The following GPR158 variants were observed in gnomAD, a reference collection of about 807,000 sequenced individuals.
The protein encoded by GPR158 is G protein-coupled receptor 158, also known as metabotropic glycine receptor.
Under a neutral mutation model 78.2 loss-of-function variants are expected in GPR158, and 30 were observed. The observed-to-expected ratio is 0.38, with a 90% CI of 0.29 to 0.52. The LOEUF is 0.52. Among genes scored for constraint, GPR158 ranks in the 20% least tolerant of loss-of-function variants. The pLI, the probability that GPR158 is intolerant of heterozygous loss-of-function variation, is 0.83. For synonymous variants in GPR158, 581 were observed against 591.1 expected (o/e 0.98, Z 0.25); for missense variants, 1,463 against 1,523.5 (o/e 0.96, Z 0.66).
At chr10:25,467,901 A>G (rs943313719) in intron 5 of GPR158, among the ~76,000 whole-genome samples, 6 of 152,068 alleles carry the variant, frequency 3.9e-5, no homozygotes, top group African/African-American at 1.4e-4. Context: ...TTCTGCCTCA[A>G]GTCCCCACCC....
chr10:25,455,628 G>A lies in GPR158; in HGVS notation c.1336-11023G>A, dbSNP rs187319566. On this transcript the variant is annotated intron_variant, in intron 4 of 10. Transcript: ENST00000376351. The stretch of plus-strand genomic sequence containing the variant: ...AATGTGACCTTTATGAATTCTGTAC[G>A]GGTTAGTATTTATTATCTAGTTAAG... Among the ~76,000 whole-genome samples the A allele has an allele frequency of 1.1e-4, 17 of 152,116 alleles. No individual in the cohort carries two copies. The South Asian group carries it at 1.7e-3, about 15-fold the overall frequency.
intron 5 of GPR158, among the ~76,000 whole-genome samples, chr10:25,474,117 G>A (rs1835548614): frequency 6.6e-6 from 1 of 152,074 alleles, no homozygotes; most frequent in African/African-American, 2.4e-5. Context: ...GAAGATAAAT[G>A]AGGGAGGTTG....
intron 2 of GPR158, among the ~76,000 whole-genome samples, chr10:25,241,336 C>CTTCTCTTCTG (rs1853620425): frequency 3.2e-5 from 4 of 125,424 alleles, no homozygotes; most frequent in African/African-American, 1.3e-4. Context: ...CTTCTCTTCT[C>CTTCTCTTCTG]TTTTCTCTTT....
At chr10:25,544,098 A>G (rs1836626944) in intron 5 of GPR158, among the ~76,000 whole-genome samples, 1 of 152,156 alleles carries the variant, frequency 6.6e-6, no homozygotes, top group Non-Finnish European at 1.5e-5. Context: ...TTAACCTAGG[A>G]TGTCTCATTT....
At chr10:25,531,892 G>C (rs1242206961) in intron 5 of GPR158, among the ~76,000 whole-genome samples, 1 of 152,172 alleles carries the variant, frequency 6.6e-6, no homozygotes, top group African/African-American at 2.4e-5. Flanking sequence ...GGAAGTGGCA[G>C]AGCAGTCCCT....
intron 8 of GPR158, among the ~76,000 whole-genome samples, chr10:25,589,413 T>G (rs953550077): frequency 1.2e-4 from 18 of 152,234 alleles, no homozygotes; most frequent in Non-Finnish European, 1.5e-5. Flanking sequence ...CTTATGGAAA[T>G]GTAATGGAAT....
At chr10:25,367,028 A>G (rs759440608) in intron 2 of GPR158, among the ~76,000 whole-genome samples, 1 of 151,632 alleles carries the variant, frequency 6.6e-6, no homozygotes, top group Non-Finnish European at 1.5e-5. Flanking sequence ...TTGTCTATTG[A>G]TCAAAAGTTT....
intron 2 of GPR158, among the ~76,000 whole-genome samples, chr10:25,271,185 A>G (rs948812127): frequency 6.8e-4 from 104 of 152,116 alleles, no homozygotes; most frequent in African/African-American, 2.4e-3. Flanking sequence ...CTCAAATAGC[A>G]TTTTCTTAGA....
intron 2 of GPR158, among the ~76,000 whole-genome samples, chr10:25,300,964 A>C (rs1021174364): frequency 1.3e-5 from 2 of 152,086 alleles, no homozygotes; most frequent in African/African-American, 2.4e-5. Flanking sequence ...TCATTGATTG[A>C]TGTTTTTTCA....
chr10:25,447,494 T>C (rs1394469734), intron 4 of GPR158, among the ~76,000 whole-genome samples: 1 of 152,200 alleles, frequency 6.6e-6, no homozygotes, highest in African/African-American at 2.4e-5. Flanking sequence ...TTTCTGTTAG[T>C]TTCTCGTTCC....
At position 25,284,525 on chromosome 10, in the gene GPR158, A is replaced by G. The variant is rs987252817; in HGVS notation, c.1008+63368A>G. ...ATATCTATGTTTTTATGTTTAGGAT[A>G]AATTTTCTTTTATATAGCATATATT... On this transcript the variant is annotated intron_variant, in intron 2 of 10. Transcript: ENST00000376351. Among the ~76,000 whole-genome samples, 36 of 148,472 alleles carry G rather than the reference A, an allele frequency of 2.4e-4. 1 individual carries two copies. Among genetic ancestry groups the G allele is most frequent in the African/African-American group, 9.2e-4 (36 of 39,074 alleles).
intron 5 of GPR158, among the ~76,000 whole-genome samples, chr10:25,519,319 CTT>C (rs1298760826): frequency 7.0e-6 from 1 of 143,246 alleles, no homozygotes; most frequent in East Asian, 2.0e-4. Context: ...GGTCTTGACT[CTT>C]TATCCAATTT....
In GPR158 at chr10:25,241,936, G is replaced by A. The variant is rs568677153; in HGVS notation, c.1008+20779G>A. ...CACTCCAATGGAGGCATTTTAAAAA[G>A]TCTCTTGTACTTCATAAATAGTTGA... On this transcript the variant is annotated intron_variant, in intron 2 of 10. Transcript: ENST00000376351. Among the ~76,000 whole-genome samples the A allele has an allele frequency of 1.6e-4, 25 of 152,260 alleles. No individual in the cohort carries two copies. In the South Asian group the frequency reaches 4.1e-3, roughly 25 times the overall value.
intron 2 of GPR158, among the ~76,000 whole-genome samples, chr10:25,359,720 T>C (rs189716659): frequency 0.11 from 16,889 of 152,130 alleles, 1,954 homozygotes; most frequent in African/African-American, 0.3. Context: ...AATAAACATA[T>C]GTGTACATGT....
At chr10:25,418,557 C>T (rs1227771092) in intron 4 of GPR158, among the ~76,000 whole-genome samples, 1 of 151,410 alleles carries the variant, frequency 6.6e-6, no homozygotes, top group Non-Finnish European at 1.5e-5. Flanking sequence ...TTTTAAAGAG[C>T]CTGAATATTA....
rs562149260 is a variant in GPR158, at chr10:25,250,831, G to A, written c.1008+29674G>A. On this transcript the variant is annotated intron_variant, in intron 2 of 10. Transcript: ENST00000376351. ...AGTTCTGTAGATGTCTATTAGGTCC[G>A]CTTGGTGCAGAGCTGAGTTCAGTTC... is the stretch of plus-strand genomic sequence containing the variant. Among the ~76,000 whole-genome samples, 1,132 of 150,826 alleles carry A rather than the reference G, an allele frequency of 7.5e-3. 11 individuals carry two copies. The highest frequency in any genetic ancestry group is 0.026 in the African/African-American group (1,061 of 40,608).
At chr10:25,292,793 T>A (rs1854458936) in intron 2 of GPR158, among the ~76,000 whole-genome samples, 1 of 152,084 alleles carries the variant, frequency 6.6e-6, no homozygotes, top group African/African-American at 2.4e-5. Flanking sequence ...CTTAGAAAAA[T>A]AATATTTTCC....
intron 5 of GPR158, among the ~76,000 whole-genome samples, chr10:25,473,591 T>G (rs990044560): frequency 6.6e-6 from 1 of 152,106 alleles, no homozygotes; most frequent in Non-Finnish European, 1.5e-5. Flanking sequence ...GTGCTGGACT[T>G]TTTTTGGTTG....
chr10:25,420,942 G>A (rs1442026452), intron 4 of GPR158, among the ~76,000 whole-genome samples: 2 of 152,100 alleles, frequency 1.3e-5, no homozygotes, highest in Non-Finnish European at 2.9e-5. Flanking sequence ...TTGGCTATTT[G>A]AGCTGCCTTG....
Sources: allele counts gnomAD v4.1 joint callset (sites outside exome capture counted in the v4.1 genomes callset), GRCh38; gene constraint gnomAD v4.1.1; transcripts MANE v1.5; gene names NCBI Gene and HGNC (gene_info 2026-07-23, HGNC 2026-07-21).